The following BCAS3 variants were observed in gnomAD, a reference collection of about 807,000 sequenced individuals.
BCAS3 encodes the protein BCAS4/BCAS3 fusion.
A neutral mutation model predicts 116.1 loss-of-function variants in BCAS3; 53 were observed. That is an observed-to-expected ratio of 0.46 (90% CI 0.37 to 0.57). The LOEUF is 0.57. BCAS3 is among the 20% of genes least tolerant of loss of function. The pLI is 0.00. For missense variants in BCAS3, 917 were observed against 1,165.4 expected (o/e 0.79, Z 3.10); for synonymous variants, 391 against 408.2 (o/e 0.96, Z 0.51).
intron 22 of BCAS3, among the ~76,000 whole-genome samples, chr17:61,250,112 A>G (rs2048261572): frequency 6.6e-6 from 1 of 152,162 alleles, no homozygotes; most frequent in African/African-American, 2.4e-5. Flanking sequence ...AAGTTTAAGG[A>G]AAGTTCATAC....
chr17:61,060,021 A>G lies in BCAS3; in HGVS notation c.2030-14899A>G, dbSNP rs78515356. On this transcript the variant is annotated intron_variant, in intron 19 of 23. Coordinates refer to ENST00000407086, the MANE Select transcript of BCAS3 (RefSeq NM_017679.5). Reference sequence around the variant, plus strand: ...GAAAGAAAGAAGGGAGTGAGGAAGGAAGAAAATGCAGGGGAAAAGAACTAC... The same window carrying G: ...GAAAGAAAGAAGGGAGTGAGGAAGGGAGAAAATGCAGGGGAAAAGAACTAC... Among the ~76,000 whole-genome samples, 995 of 152,298 alleles carry G rather than the reference A, an allele frequency of 6.5e-3. 10 individuals are homozygous for G. Among genetic ancestry groups the G allele is most frequent in the African/African-American group, 0.023 (963 of 41,560 alleles).
At chr17:60,912,399 A>G (rs2058562049) in intron 12 of BCAS3, among the ~76,000 whole-genome samples, 1 of 152,134 alleles carries the variant, frequency 6.6e-6, no homozygotes, top group South Asian at 2.1e-4. Context: ...GTTGTGATGA[A>G]AAATTACATT....
chr17:60,786,279 A>G (rs2046276024), intron 6 of BCAS3, among the ~76,000 whole-genome samples: 5 of 152,170 alleles, frequency 3.3e-5, no homozygotes, highest in Admixed American at 3.3e-4. Context: ...CAGAGGGTCC[A>G]GGGTTCAAGT....
chr17:60,803,680 T>G (rs1002243956), intron 6 of BCAS3, among the ~76,000 whole-genome samples: 9 of 152,104 alleles, frequency 5.9e-5, no homozygotes, highest in East Asian at 1.9e-4. Context: ...GGAAAAATTT[T>G]GGGGGAAATT....
chr17:61,091,954 C>T (rs1161750186), intron 22 of BCAS3, among the ~76,000 whole-genome samples: 2 of 152,154 alleles, frequency 1.3e-5, no homozygotes, highest in African/African-American at 4.8e-5. Flanking sequence ...TTTTTATACT[C>T]AGCCACCACT....
intron 6 of BCAS3, among the ~76,000 whole-genome samples, chr17:60,775,012 C>T (rs2045133530): frequency 6.6e-6 from 1 of 152,048 alleles, no homozygotes; most frequent in Non-Finnish European, 1.5e-5. Flanking sequence ...CTTAAGAGTG[C>T]TTAGGATAGC....
intron 22 of BCAS3, among the ~76,000 whole-genome samples, chr17:61,297,919 C>T (rs904682080): frequency 5.3e-5 from 8 of 152,150 alleles, no homozygotes; most frequent in Admixed American, 4.6e-4. Context: ...TAGTATCAAA[C>T]GACTACCAAT....
chr17:60,911,631 C>T (rs527508533), intron 12 of BCAS3, among the ~76,000 whole-genome samples: 10 of 152,038 alleles, frequency 6.6e-5, no homozygotes, highest in Admixed American at 2.0e-4. Flanking sequence ...GACGCGGTTT[C>T]GCCGTGTTGG....
At chr17:60,823,172 G>A (rs1165848059) in intron 7 of BCAS3, among the ~76,000 whole-genome samples, 3 of 152,180 alleles carry the variant, frequency 2.0e-5, no homozygotes, top group South Asian at 2.1e-4. Context: ...TGCCTAGTTA[G>A]TGGGTAGATG....
intron 22 of BCAS3, among the ~76,000 whole-genome samples, chr17:61,184,947 T>C (rs983526777): frequency 7.9e-5 from 12 of 151,992 alleles, no homozygotes; most frequent in African/African-American, 2.9e-4. Flanking sequence ...GGGAAAGGAA[T>C]TGACTCTGAA....
chr17:60,872,795 GTATATCTGTATGTA>G (rs1288894794), intron 8 of BCAS3, among the ~76,000 whole-genome samples: 1 of 147,984 alleles, frequency 6.8e-6, no homozygotes, highest in Non-Finnish European at 1.5e-5. Flanking sequence ...ATCTGTATGT[GTATATCTGTATGTA>G]TATATCTGTA....
chr17:61,341,796 C>T (rs1198124685), intron 22 of BCAS3, among the ~76,000 whole-genome samples: 1 of 152,210 alleles, frequency 6.6e-6, no homozygotes, highest in Non-Finnish European at 1.5e-5. Flanking sequence ...CTTTTCTCTG[C>T]GATACCCAAA....
At position 61,180,784 on chromosome 17, in the gene BCAS3, A is replaced by G. The variant is rs542232990; in HGVS notation, c.2425+96220A>G. ...CAGAATAAAGTTATCCTAGCCATGT[A>G]GCACTTGAAATGAGGGGGAAATAAG... On this transcript the variant is annotated intron_variant, in intron 22 of 23. Coordinates refer to ENST00000407086, the MANE Select transcript of BCAS3 (RefSeq NM_017679.5). The surrounding 1 kb of genome is among the most constrained non-coding windows in gnomAD (Gnocchi z 6.0). 6.6e-6 allele frequency among the ~76,000 whole-genome samples: 1 copy of G among 152,340 alleles called. No individual in the cohort carries two copies. The highest frequency in any genetic ancestry group is 1.5e-5 in the Non-Finnish European group (1 of 68,022).
chr17:61,168,619 C>T (rs2078657155), intron 22 of BCAS3, among the ~76,000 whole-genome samples: 1 of 152,144 alleles, frequency 6.6e-6, no homozygotes, highest in Admixed American at 6.5e-5. Flanking sequence ...GTATGATATG[C>T]TTGAGAGATC....
At chr17:61,057,236 GT>G (rs2069478200) in intron 19 of BCAS3, among the ~76,000 whole-genome samples, 1 of 152,176 alleles carries the variant, frequency 6.6e-6, no homozygotes, top group Non-Finnish European at 1.5e-5. Flanking sequence ...CTATATAATA[GT>G]TTTTTAAATA....
intron 7 of BCAS3, among the ~76,000 whole-genome samples, chr17:60,843,059 A>C (rs2052118957): frequency 6.6e-6 from 1 of 151,302 alleles, no homozygotes; most frequent in Admixed American, 6.6e-5. Flanking sequence ...TTTTTTATAG[A>C]GAGAGGGTCT....
In BCAS3 at chr17:60,855,452, A is replaced by ATTT. The variant is rs565603643; in HGVS notation, c.477-13106_477-13104dup. Among the ~76,000 whole-genome samples, 843 of 125,746 alleles carry ATTT rather than the reference A, an allele frequency of 6.7e-3. 18 individuals are homozygous for ATTT. Among genetic ancestry groups the ATTT allele is most frequent in the African/African-American group, 0.023 (762 of 32,544 alleles). 82.5% of individuals were successfully genotyped at this position (125,746 alleles called of 152,430 possible). A position where few individuals can be genotyped will look rare whatever the true frequency, so the allele number is the denominator to read the frequency against. ...CAGCATTTGTTGTCACTATTTTTAA[A>ATTT]TTTTTTTTTTTTTTTTTTTTGAGGC... On this transcript the variant is annotated intron_variant, in intron 7 of 23. Transcript: ENST00000407086.
At chr17:60,959,300 C>A (rs1470306) in intron 14 of BCAS3, among the ~76,000 whole-genome samples, 2 of 151,800 alleles carry the variant, frequency 1.3e-5, no homozygotes, top group Non-Finnish European at 1.5e-5. Flanking sequence ...GAGCAAACCC[C>A]TGTCTCAAAA....
At chr17:60,732,203 A>T (rs982220062) in intron 5 of BCAS3, among the ~76,000 whole-genome samples, 1 of 152,146 alleles carries the variant, frequency 6.6e-6, no homozygotes, top group Non-Finnish European at 1.5e-5. Context: ...ATAGGATTTT[A>T]TTGGTGTTAC....
Sources: gnomAD v4.1 joint callset for allele counts (sites outside exome capture counted in the v4.1 genomes callset) on GRCh38, gnomAD v4.1.1 for gene constraint, Gnocchi (gnomAD v3.1) non-coding constraint, MANE v1.5 for transcripts, NCBI Gene and HGNC (gene_info 2026-07-23, HGNC 2026-07-21) for gene names.